The following WWOX variants were observed in gnomAD, a reference collection of about 807,000 sequenced individuals.
WWOX encodes WW domain containing oxidoreductase.
Under a neutral mutation model 46.2 loss-of-function variants are expected in WWOX, and 69 were observed. The observed-to-expected ratio is 1.49, with a 90% CI of 1.23 to 1.82. WWOX has a LOEUF of 1.82. Ranked by LOEUF, WWOX falls within the 40% of genes most tolerant of loss-of-function variation. The probability of loss-of-function intolerance (pLI) is 0.00; values close to 1 mark genes in which losing one functional copy is unlikely to be tolerated. For synonymous variants in WWOX, 359 were observed against 202.6 expected, an observed-to-expected ratio of 1.77 and a Z score of -6.56; for missense variants, 919 against 542.6, an observed-to-expected ratio of 1.69 and a Z score of -6.89.
Position 78,379,430 on chromosome 16 carries a change from T to C in WWOX, c.517-7430T>C, listed in dbSNP as rs564492886. 5.9e-5 allele frequency among the ~76,000 whole-genome samples: 9 copies of C among 152,318 alleles called. No individual in the cohort carries two copies. In the South Asian group the frequency reaches 1.9e-3, roughly 32 times the overall value. On this transcript the variant is annotated intron_variant, in intron 5 of 8. Coordinates refer to ENST00000566780, the MANE Select transcript of WWOX (RefSeq NM_016373.4). ...GGAGGCCACGTTCAACACAGCCATCTAGTGTACCTGGGCTTCTTCCACCTC... is the reference window on the plus strand; with the variant it reads ...GGAGGCCACGTTCAACACAGCCATCCAGTGTACCTGGGCTTCTTCCACCTC...
At chr16:78,480,461 G>T (rs1015597673) in intron 8 of WWOX, among the ~76,000 whole-genome samples, 2 of 152,196 alleles carry the variant, frequency 1.3e-5, no homozygotes, top group African/African-American at 4.8e-5. Flanking sequence ...ATATTTACAT[G>T]TACTGTCCTT....
intron 8 of WWOX, among the ~76,000 whole-genome samples, chr16:78,779,654 C>T (rs149978069): frequency 1.3e-5 from 2 of 152,156 alleles, no homozygotes; most frequent in African/African-American, 4.8e-5. Context: ...GCAGAGGGCC[C>T]CAGTTCACAC....
intron 8 of WWOX, among the ~76,000 whole-genome samples, chr16:79,109,526 G>A (rs1380814156): frequency 6.6e-6 from 1 of 152,114 alleles, no homozygotes; most frequent in Non-Finnish European, 1.5e-5. Flanking sequence ...TAATTTATGG[G>A]ATCTTGGCAA....
At chr16:78,421,812 C>T (rs972740488) in intron 6 of WWOX, among the ~76,000 whole-genome samples, 34 of 152,140 alleles carry the variant, frequency 2.2e-4, no homozygotes, top group African/African-American at 8.2e-4. Flanking sequence ...AATACTTCTC[C>T]CTCATGATAT....
At chr16:78,870,955 A>C (rs139224863) in intron 8 of WWOX, among the ~76,000 whole-genome samples, 163 of 152,270 alleles carry the variant, frequency 1.1e-3, no homozygotes, top group African/African-American at 3.8e-3. Flanking sequence ...CTGGTTTACC[A>C]CAACCACCAG....
chr16:78,334,436 G>T (rs1399641526), intron 5 of WWOX, among the ~76,000 whole-genome samples: 1 of 152,164 alleles, frequency 6.6e-6, no homozygotes, highest in Admixed American at 6.5e-5. Context: ...TCTGAGCTAT[G>T]AGTGAACCAT....
At chr16:79,201,609 C>T (rs775030173) in intron 8 of WWOX, among the ~76,000 whole-genome samples, 7 of 152,144 alleles carry the variant, frequency 4.6e-5, no homozygotes, top group African/African-American at 1.2e-4. Context: ...CATCTTCAAA[C>T]GCAAACGCTG....
chr16:78,992,309 A>G (rs5026933), intron 8 of WWOX, among the ~76,000 whole-genome samples: 5 of 248 alleles, frequency 0.02, no homozygotes, highest in East Asian at 0.17. Context: ...CTAAAAATAC[A>G]AAAAAAAATT....
intron 8 of WWOX, among the ~76,000 whole-genome samples, chr16:78,522,402 G>T (rs775675654): frequency 6.6e-6 from 1 of 152,110 alleles, no homozygotes; most frequent in African/African-American, 2.4e-5. Context: ...CTGTGTACAC[G>T]GTTCTGGAAG....
intron 8 of WWOX, among the ~76,000 whole-genome samples, chr16:78,718,477 A>G (rs1025747106): frequency 2.6e-5 from 4 of 152,184 alleles, no homozygotes; most frequent in Non-Finnish European, 4.4e-5. Context: ...TCTCTTTCCC[A>G]TATTTGAGTA....
intron 8 of WWOX, among the ~76,000 whole-genome samples, chr16:78,938,747 A>T (rs1460124873): frequency 2.6e-5 from 4 of 152,158 alleles, no homozygotes; most frequent in Non-Finnish European, 4.4e-5. Context: ...ATGAGTGAGC[A>T]AGATACAGGA....
intron 8 of WWOX, among the ~76,000 whole-genome samples, chr16:78,910,104 G>T (rs563865626): frequency 9.4e-5 from 14 of 149,416 alleles, no homozygotes; most frequent in African/African-American, 3.5e-4. Context: ...TGTGGTGATC[G>T]TTTGTGCTTT....
intron 8 of WWOX, among the ~76,000 whole-genome samples, chr16:78,805,614 G>A (rs1321716139): frequency 6.6e-6 from 1 of 152,162 alleles, no homozygotes; most frequent in Non-Finnish European, 1.5e-5. Context: ...CTTGAAGGTA[G>A]ATGCAGAAGA....
intron 8 of WWOX, among the ~76,000 whole-genome samples, chr16:78,666,130 T>TA: frequency 6.6e-6 from 1 of 152,042 alleles, no homozygotes; most frequent in East Asian, 2.0e-4. Context: ...TCTAAAAATT[T>TA]AAAAAAATTA....
intron 5 of WWOX, among the ~76,000 whole-genome samples, chr16:78,321,836 C>G (rs2080490596): frequency 6.6e-6 from 1 of 152,062 alleles, no homozygotes; most frequent in South Asian, 2.1e-4. Flanking sequence ...CGCTTGGAGG[C>G]TGGGGAGAGG....
intron 8 of WWOX, among the ~76,000 whole-genome samples, chr16:78,442,996 C>T (rs2083478663): frequency 1.3e-5 from 2 of 151,700 alleles, no homozygotes; most frequent in African/African-American, 2.4e-5. Flanking sequence ...GGTGGTGGGG[C>T]GCGGTCGTGG....
intron 4 of WWOX, among the ~76,000 whole-genome samples, chr16:78,159,786 G>A (rs2034730334): frequency 7.1e-6 from 1 of 141,138 alleles, no homozygotes; most frequent in Non-Finnish European, 1.5e-5. Flanking sequence ...TTTGTAGCTT[G>A]CCCTTTCAGT....
intron 8 of WWOX, among the ~76,000 whole-genome samples, chr16:78,809,586 T>G (rs1043048185): frequency 6.6e-6 from 1 of 152,142 alleles, no homozygotes; most frequent in South Asian, 2.1e-4. Flanking sequence ...TGTCATGTCT[T>G]CTTTCCCTCC....
At chr16:78,975,379 C>A (rs182696298) in intron 8 of WWOX, among the ~76,000 whole-genome samples, 105 of 151,904 alleles carry the variant, frequency 6.9e-4, no homozygotes, top group African/African-American at 2.4e-3. Context: ...CAGGGCAGAC[C>A]CTTGCAACAA....
Sources: gnomAD v4.1 joint callset for allele counts (sites outside exome capture counted in the v4.1 genomes callset) on GRCh38, gnomAD v4.1.1 for gene constraint, MANE v1.5 for transcripts, NCBI Gene and HGNC (gene_info 2026-07-23, HGNC 2026-07-21) for gene names.